The following MTMR2 variants were observed in gnomAD, a reference collection of about 807,000 sequenced individuals.
MTMR2 encodes myotubularin related protein 2.
In MTMR2, 55 loss-of-function variants were observed where a neutral mutation model predicts 86.9. That is an observed-to-expected ratio of 0.63 (90% confidence interval 0.51 to 0.79). The LOEUF is 0.79. Among genes scored for constraint, MTMR2 ranks in the 30% least tolerant of loss-of-function variants. MTMR2 has a pLI of 0.00. For missense variants in MTMR2, 659 were observed against 772.3 expected (o/e 0.85, Z 1.74); for synonymous variants, 241 against 266.8 (o/e 0.90, Z 0.94).
chr11:95,914,730 G>T (rs1040144573), intron 1 of MTMR2, among the ~76,000 whole-genome samples: 1 of 151,988 alleles, frequency 6.6e-6, no homozygotes, highest in Non-Finnish European at 1.5e-5. Flanking sequence ...CAATCAACCT[G>T]CCCTGGGACT....
At chr11:95,856,104 T>C (rs548374675) in intron 7 of MTMR2, among the ~76,000 whole-genome samples, 128 of 152,194 alleles carry the variant, frequency 8.4e-4, no homozygotes, top group Non-Finnish European at 9.9e-4. Context: ...AGAGTGTGCA[T>C]GGCATGCTAC....
intron 10 of MTMR2, 70 bp from the exon 11 acceptor site, chr11:95,845,229 T>A: frequency 7.9e-7 from 1 of 1,269,148 alleles, no homozygotes; most frequent in Non-Finnish European, 1.1e-6. Flanking sequence ...AATTTACTAA[T>A]ACAGCTTATC....
At chr11:95,853,130 TCA>T (rs911211216) in intron 7 of MTMR2, among the ~76,000 whole-genome samples, 3 of 149,572 alleles carry the variant, frequency 2.0e-5, no homozygotes, top group Non-Finnish European at 4.4e-5. Flanking sequence ...TATGTATATA[TCA>T]TATATATACT....
At chr11:95,864,209 C>T (rs1864522989) in intron 3 of MTMR2, among the ~76,000 whole-genome samples, 1 of 152,002 alleles carries the variant, frequency 6.6e-6, no homozygotes, top group South Asian at 2.1e-4. Context: ...ATTTTGGAGT[C>T]ATCAGCCAAT....
intron 1 of MTMR2, chr11:95,914,372 T>C (rs910277042): frequency 5.1e-6 from 5 of 983,152 alleles, no homozygotes; most frequent in Non-Finnish European, 6.0e-6. Flanking sequence ...CCTAAAATAT[T>C]CTAAATCATT....
chr11:95,861,103 T>G, intron 5 of MTMR2, among the ~76,000 whole-genome samples: 1 of 146,254 alleles, frequency 6.8e-6, no homozygotes. Flanking sequence ...GAGCTTGCAG[T>G]GAGCTGAGAT....
At chr11:95,882,184 C>T (rs924721720) in intron 2 of MTMR2, among the ~76,000 whole-genome samples, 1 of 151,838 alleles carries the variant, frequency 6.6e-6, no homozygotes, top group Non-Finnish European at 1.5e-5. Context: ...ATGTCAATAT[C>T]ACATTCATGG....
chr11:95,864,743 G>C (rs1482695440), intron 3 of MTMR2, among the ~76,000 whole-genome samples: 1 of 152,076 alleles, frequency 6.6e-6, no homozygotes, highest in Non-Finnish European at 1.5e-5. Flanking sequence ...GCATGCTAAG[G>C]ACTAGGAAGC....
In MTMR2 at chr11:95,833,901, A is replaced by G. The variant is rs1388940176; in HGVS notation, c.*1389T>C. 1 of 151,846 alleles carries G rather than the reference A, an allele frequency of 6.6e-6. No homozygotes were observed. The highest frequency in any genetic ancestry group is 2.4e-5 in the African/African-American group (1 of 41,398). The allele number at this position is 151,846 out of a possible 1,614,324, so 9.4% of individuals were successfully genotyped here. ...TCACTGCAAGACCAAGAGGGAGGCT[A>G]AGGTTCAGACTCTCTGTATAGTGAA... On this transcript the variant is annotated 3_prime_UTR_variant, in exon 15 of 15. Transcript: ENST00000346299.
Position 95,907,777 on chromosome 11 carries a change from G to A in MTMR2, c.80+16098C>T, listed in dbSNP as rs114136680. 629 of 348,638 alleles carry A rather than the reference G, an allele frequency of 1.8e-3. 4 individuals are homozygous for A. The highest frequency in any genetic ancestry group is 0.012 in the African/African-American group (578 of 46,408). 21.6% of individuals were successfully genotyped at this position (348,638 alleles called of 1,614,324 possible). On this transcript the variant is annotated intron_variant, in intron 1 of 14. Coordinates refer to ENST00000346299, the MANE Select transcript of MTMR2 (RefSeq NM_016156.6). ...AAAATATAAACCATATGATCATCTC[G>A]ACAGATGCAGAAAAGGCTTTTGATA...
chr11:95,835,183 T>G lies in MTMR2; in HGVS notation c.*107A>C, dbSNP rs1347100523. 8.5e-7 allele frequency: 1 copy of G among 1,175,106 alleles called. No individual in the cohort carries two copies. Among genetic ancestry groups the G allele is most frequent in the Non-Finnish European group, 1.2e-6 (1 of 802,528 alleles). The allele number at this position is 1,175,106 out of a possible 1,614,324, so 72.8% of individuals were successfully genotyped here. On this transcript the variant is annotated 3_prime_UTR_variant, in exon 15 of 15. Coordinates refer to ENST00000346299, the MANE Select transcript of MTMR2 (RefSeq NM_016156.6). ...AGAGATTTAAAATAAATAAAGTGAC[T>G]GAACTTTCTCTCATAGATGGGTTCT...
intron 9 of MTMR2, among the ~76,000 whole-genome samples, chr11:95,849,328 A>G (rs538283027): frequency 1.3e-4 from 20 of 152,232 alleles, no homozygotes; most frequent in African/African-American, 4.6e-4. Context: ...TCAGTGAGTC[A>G]TAAGCTCAGT....
intron 1 of MTMR2, among the ~76,000 whole-genome samples, chr11:95,904,202 T>A (rs1466384853): frequency 6.6e-6 from 1 of 152,054 alleles, no homozygotes; most frequent in African/African-American, 2.4e-5. Flanking sequence ...CACAAGAAAA[T>A]CTCTCCAGCA....
intron 2 of MTMR2, among the ~76,000 whole-genome samples, chr11:95,877,795 G>T (rs1865180383): frequency 6.6e-6 from 1 of 152,060 alleles, no homozygotes; most frequent in Non-Finnish European, 1.5e-5. Context: ...GCAGCTAGGA[G>T]AAAGGTATGG....
chr11:95,867,159 A>G (rs1366012290), intron 2 of MTMR2, among the ~76,000 whole-genome samples: 2 of 152,198 alleles, frequency 1.3e-5, no homozygotes, highest in Non-Finnish European at 2.9e-5. Context: ...CAACCACGTG[A>G]AAGATTATAG....
At chr11:95,870,909 C>G (rs1422842599) in intron 2 of MTMR2, among the ~76,000 whole-genome samples, 1 of 151,768 alleles carries the variant, frequency 6.6e-6, no homozygotes, top group African/African-American at 2.4e-5. Flanking sequence ...ACAACAGGCC[C>G]TGGTGTGTGA....
chr11:95,844,094 T>C (rs183862286), intron 11 of MTMR2, among the ~76,000 whole-genome samples: 223 of 152,258 alleles, frequency 1.5e-3, no homozygotes, highest in Admixed American at 2.7e-3. Context: ...GTTAGCAATT[T>C]AGGAATCCAT....
intron 1 of MTMR2, among the ~76,000 whole-genome samples, chr11:95,912,417 T>C (rs1591049798): frequency 6.6e-6 from 1 of 151,870 alleles, no homozygotes; most frequent in East Asian, 1.9e-4. Flanking sequence ...AAAAATATAA[T>C]AATTTTTTAG....
At chr11:95,896,130 A>G (rs1013640844) in intron 1 of MTMR2, among the ~76,000 whole-genome samples, 3 of 152,042 alleles carry the variant, frequency 2.0e-5, no homozygotes, top group African/African-American at 7.2e-5. Context: ...TGCAGGGAGC[A>G]TGGTTCTGCC....
Sources: allele counts gnomAD v4.1 joint callset (sites outside exome capture counted in the v4.1 genomes callset), GRCh38; gene constraint gnomAD v4.1.1; transcripts MANE v1.5; gene names NCBI Gene and HGNC (gene_info 2026-07-23, HGNC 2026-07-21).